Variants in SGCZ observed in about 807,000 individuals in gnomAD.
SGCZ encodes sarcoglycan zeta.
Under a neutral mutation model 41.3 loss-of-function variants are expected in SGCZ, and 40 were observed. That is an observed-to-expected ratio of 0.97 (90% confidence interval 0.75 to 1.26). The LOEUF (loss-of-function observed/expected upper bound fraction) is 1.26, where lower values mean the gene tolerates loss of function less well. Ranked by LOEUF, SGCZ falls within the 50% of genes most tolerant of loss-of-function variation. SGCZ has a pLI of 0.00. For synonymous variants in SGCZ, 206 were observed against 137.5 expected, an observed-to-expected ratio of 1.50 and a Z score of -3.49; for missense variants, 552 against 369.8, an observed-to-expected ratio of 1.49 and a Z score of -4.04.
chr8:14,143,981 C>T (rs1171926753), intron 5 of SGCZ, among the ~76,000 whole-genome samples: 1 of 152,140 alleles, frequency 6.6e-6, no homozygotes, highest in East Asian at 1.9e-4. Context: ...ATCACCAATC[C>T]CAGTGACCCA....
At chr8:14,962,386 GTA>G (rs35553186) in intron 1 of SGCZ, among the ~76,000 whole-genome samples, 11,906 of 148,488 alleles carry the variant, frequency 0.08, 1,379 homozygotes, top group African/African-American at 0.26. Flanking sequence ...CAAGGTAATT[GTA>G]TATATATATA....
intron 1 of SGCZ, among the ~76,000 whole-genome samples, chr8:14,684,601 T>C (rs977716112): frequency 3.9e-5 from 6 of 152,088 alleles, no homozygotes; most frequent in African/African-American, 1.4e-4. Flanking sequence ...CACAAGCAAA[T>C]AAGTGTAAAA....
intron 1 of SGCZ, among the ~76,000 whole-genome samples, chr8:14,604,758 A>AT (rs1163233857): frequency 6.6e-6 from 1 of 152,168 alleles, no homozygotes; most frequent in Non-Finnish European, 1.5e-5. Flanking sequence ...ACTTAAATAT[A>AT]TTTTGATGTG....
At chr8:14,792,052 G>A (rs1202112375) in intron 1 of SGCZ, among the ~76,000 whole-genome samples, 2 of 152,238 alleles carry the variant, frequency 1.3e-5, no homozygotes, top group South Asian at 2.1e-4. Flanking sequence ...ATTAAAAACA[G>A]TTGCCAATAA....
intron 1 of SGCZ, among the ~76,000 whole-genome samples, chr8:14,855,860 C>T (rs1279084580): frequency 1.3e-5 from 2 of 152,134 alleles, no homozygotes; most frequent in African/African-American, 2.4e-5. Context: ...GCTTTCACTT[C>T]TGATGACTCA....
intron 1 of SGCZ, among the ~76,000 whole-genome samples, chr8:14,625,365 T>C (rs912740388): frequency 3.3e-5 from 5 of 152,154 alleles, no homozygotes; most frequent in African/African-American, 1.2e-4. Context: ...ACAGTCCTTT[T>C]AGAAGGAAAA....
chr8:14,947,283 G>A (rs1286390349), intron 1 of SGCZ, among the ~76,000 whole-genome samples: 6 of 152,166 alleles, frequency 3.9e-5, no homozygotes, highest in Non-Finnish European at 1.5e-5. Flanking sequence ...CACACAGTGA[G>A]GTAAATCTCT....
rs10655274 is a variant in SGCZ, at chr8:14,369,021, ATGTG to A, written c.235-44821_235-44818del. Among the ~76,000 whole-genome samples the A allele has an allele frequency of 1.2e-3, 178 of 145,516 alleles. No homozygotes were observed. In the Middle Eastern group the frequency reaches 0.014, roughly 12 times the overall value. ...TGTCAGAAAACAGAGGCAAATGTAA[ATGTG>A]TGTGTGTGTGTGTGTGTGTGTGTGT... On this transcript the variant is annotated intron_variant, in intron 2 of 7. Coordinates refer to ENST00000382080, the MANE Select transcript of SGCZ (RefSeq NM_139167.4).
intron 1 of SGCZ, among the ~76,000 whole-genome samples, chr8:14,635,721 G>A (rs1371657952): frequency 6.6e-6 from 1 of 151,544 alleles, no homozygotes; most frequent in Non-Finnish European, 1.5e-5. Flanking sequence ...TGTTCCAACT[G>A]ACAGCAATGG....
chr8:14,976,330 T>C (rs1459240193), intron 1 of SGCZ, among the ~76,000 whole-genome samples: 1 of 152,088 alleles, frequency 6.6e-6, no homozygotes, highest in Non-Finnish European at 1.5e-5. Flanking sequence ...TCCCTCCCTA[T>C]ATATTTTGAC....
intron 6 of SGCZ, among the ~76,000 whole-genome samples, chr8:14,103,742 G>GT (rs1297266206): frequency 1.3e-5 from 2 of 151,936 alleles, no homozygotes; most frequent in Non-Finnish European, 2.9e-5. Flanking sequence ...GAGGGGTGAG[G>GT]TTTTGAATGT....
At chr8:14,317,085 A>C (rs1349200751) in intron 3 of SGCZ, among the ~76,000 whole-genome samples, 1 of 151,892 alleles carries the variant, frequency 6.6e-6, no homozygotes. Context: ...AAATCCTTTG[A>C]TTCTACTTTT....
At chr8:14,197,968 C>G (rs1259142262) in intron 4 of SGCZ, among the ~76,000 whole-genome samples, 1 of 152,000 alleles carries the variant, frequency 6.6e-6, no homozygotes, top group African/African-American at 2.4e-5. Flanking sequence ...GAAACAAGCT[C>G]AATATACCAA....
At chr8:14,888,178 A>T (rs751841386) in intron 1 of SGCZ, among the ~76,000 whole-genome samples, 1 of 152,208 alleles carries the variant, frequency 6.6e-6, no homozygotes, top group South Asian at 2.1e-4. Flanking sequence ...ACACCAAAAA[A>T]GCAAAAGACC....
chr8:14,673,715 C>T (rs557987283), intron 1 of SGCZ, among the ~76,000 whole-genome samples: 13 of 151,926 alleles, frequency 8.6e-5, no homozygotes, highest in African/African-American at 2.9e-4. Context: ...AATAAATGAA[C>T]GAATAAATGA....
chr8:14,888,844 T>C (rs554487961), intron 1 of SGCZ, among the ~76,000 whole-genome samples: 1 of 152,288 alleles, frequency 6.6e-6, no homozygotes, highest in East Asian at 1.9e-4. Flanking sequence ...CACACAGATT[T>C]TTCAACAGGT....
chr8:14,982,893 T>A (rs1017489748), intron 1 of SGCZ, among the ~76,000 whole-genome samples: 1 of 152,226 alleles, frequency 6.6e-6, no homozygotes, highest in Non-Finnish European at 1.5e-5. Context: ...ATTTACTATG[T>A]GCCATTTTGC....
At chr8:14,742,591 A>G (rs1799226528) in intron 1 of SGCZ, among the ~76,000 whole-genome samples, 1 of 152,068 alleles carries the variant, frequency 6.6e-6, no homozygotes, top group Non-Finnish European at 1.5e-5. Context: ...ATCTCCATTT[A>G]ATAAAATTGT....
intron 1 of SGCZ, among the ~76,000 whole-genome samples, chr8:14,961,499 T>C (rs182047489): frequency 6.3e-4 from 96 of 152,248 alleles, no homozygotes; most frequent in African/African-American, 2.3e-3. Context: ...AGAGATCCCA[T>C]TCACATAATT....
Sources: gnomAD v4.1 joint callset for allele counts (sites outside exome capture counted in the v4.1 genomes callset) on GRCh38, gnomAD v4.1.1 for gene constraint, MANE v1.5 for transcripts, NCBI Gene and HGNC (gene_info 2026-07-23, HGNC 2026-07-21) for gene names.